The following GALNT18 variants were observed in gnomAD, a reference collection of about 807,000 sequenced individuals.
GALNT18 encodes the protein GalNAc-transferase 18.
Under a neutral mutation model 69.5 loss-of-function variants are expected in GALNT18, and 44 were observed. That is an observed-to-expected ratio of 0.63 (90% CI 0.50 to 0.81). The LOEUF is 0.81. GALNT18 is among the 40% of genes least tolerant of loss of function. GALNT18 has a pLI of 0.00. For missense variants in GALNT18, 715 were observed against 810.0 expected (o/e 0.88, Z 1.42); for synonymous variants, 364 against 318.2 (o/e 1.14, Z -1.53).
chr11:11,454,041 C>T lies in GALNT18; in HGVS notation c.236-5105G>A, dbSNP rs1051521091. On this transcript the variant is annotated intron_variant, in intron 1 of 10. Coordinates refer to ENST00000227756, the MANE Select transcript of GALNT18 (RefSeq NM_198516.3). The surrounding 1 kb of genome is among the most constrained non-coding windows in gnomAD (Gnocchi z 4.2). ...GCGCCTAGTAGGTGCTTAACCAATA[C>T]CAGTAAAATGAACGAATAGGGCATT... Among the ~76,000 whole-genome samples the T allele has an allele frequency of 2.6e-5, 4 of 152,272 alleles. No individual in the cohort carries two copies. The highest frequency in any genetic ancestry group is 2.6e-4 in the Admixed American group (4 of 15,298).
At chr11:11,610,628 T>C (rs1565040687) in intron 1 of GALNT18, among the ~76,000 whole-genome samples, 1 of 152,178 alleles carries the variant, frequency 6.6e-6, no homozygotes, top group Non-Finnish European at 1.5e-5. Context: ...CAGGTTCTCA[T>C]AAAATAAAAT....
At chr11:11,449,054 G>C (rs779691071) in intron 1 of GALNT18, 118 bp from the exon 2 acceptor site, 100 of 859,520 alleles carry the variant, frequency 1.2e-4, no homozygotes, top group Non-Finnish European at 1.7e-4. Flanking sequence ...CCCTTCTTTC[G>C]GGGTCAGTGC....
chr11:11,412,283 C>A (rs1008478231), intron 3 of GALNT18, among the ~76,000 whole-genome samples: 6 of 152,134 alleles, frequency 3.9e-5, no homozygotes, highest in African/African-American at 1.4e-4. Flanking sequence ...TTAGCTAGGG[C>A]CCTACTAGAC....
At chr11:11,532,932 A>G (rs1033631508) in intron 1 of GALNT18, among the ~76,000 whole-genome samples, 1 of 152,242 alleles carries the variant, frequency 6.6e-6, no homozygotes, top group Non-Finnish European at 1.5e-5. Flanking sequence ...CTAGATGGCA[A>G]TAAGGGTGCT....
At chr11:11,361,789 C>T (rs1850651609) in intron 6 of GALNT18, among the ~76,000 whole-genome samples, 1 of 152,156 alleles carries the variant, frequency 6.6e-6, no homozygotes, top group Non-Finnish European at 1.5e-5. Context: ...AGCCATAAAT[C>T]CTGACATCAC....
chr11:11,428,385 G>A (rs1316004995), intron 3 of GALNT18, among the ~76,000 whole-genome samples: 2 of 152,206 alleles, frequency 1.3e-5, no homozygotes, highest in African/African-American at 4.8e-5. Flanking sequence ...CATTCCACAT[G>A]GGAACTCTAG....
chr11:11,398,860 A>G (rs1854393662), intron 3 of GALNT18, among the ~76,000 whole-genome samples: 1 of 152,242 alleles, frequency 6.6e-6, no homozygotes, highest in Non-Finnish European at 1.5e-5. Context: ...TGAAAACAGC[A>G]TGTACAAGTA....
chr11:11,431,731 A>G (rs183468528), intron 3 of GALNT18, among the ~76,000 whole-genome samples: 333 of 152,364 alleles, frequency 2.2e-3, no homozygotes, highest in South Asian at 3.1e-3. Context: ...ACAGCAACTG[A>G]TTCACTAGGA....
intron 1 of GALNT18, among the ~76,000 whole-genome samples, chr11:11,558,538 C>A (rs1480591949): frequency 6.6e-6 from 1 of 152,220 alleles, no homozygotes; most frequent in Non-Finnish European, 1.5e-5. Context: ...GCAAGCTGCA[C>A]AGGAATAGCC....
Position 11,618,034 on chromosome 11 carries a change from A to G in GALNT18, c.235+3325T>C, listed in dbSNP as rs1244537358. On this transcript the variant is annotated intron_variant, in intron 1 of 10. Transcript: ENST00000227756. This position sits in a 1 kb window ranked among gnomAD's most constrained non-coding sequence, Gnocchi z 6.1. ...CCCAAGAGATTCCCAAACACCATCT[A>G]ATTAAATCATTCAATCAGAAAACAA... 1.3e-5 allele frequency among the ~76,000 whole-genome samples: 2 copies of G among 152,236 alleles called. No individual in the cohort carries two copies. Among genetic ancestry groups the G allele is most frequent in the Non-Finnish European group, 2.9e-5 (2 of 68,046 alleles).
chr11:11,577,713 ATCT>A (rs1372108323), intron 1 of GALNT18, among the ~76,000 whole-genome samples: 1 of 152,158 alleles, frequency 6.6e-6, no homozygotes, highest in African/African-American at 2.4e-5. Context: ...GGAAGCTCTC[ATCT>A]TCTTGTCAAG....
chr11:11,590,603 T>G lies in GALNT18; in HGVS notation c.235+30756A>C, dbSNP rs1327017657. 2.6e-5 allele frequency among the ~76,000 whole-genome samples: 4 copies of G among 152,240 alleles called. No individual in the cohort carries two copies. Among genetic ancestry groups the G allele is most frequent in the Non-Finnish European group, 4.4e-5 (3 of 68,034 alleles). ...TGAATCTGTTTCCTCATTGATAAAA[T>G]GAGCATGTTACTGTCTGCTCAACAA... On this transcript the variant is annotated intron_variant, in intron 1 of 10. Coordinates refer to ENST00000227756, the MANE Select transcript of GALNT18 (RefSeq NM_198516.3). The surrounding 1 kb of genome is among the most constrained non-coding windows in gnomAD (Gnocchi z 4.4).
rs1479448932 is a variant in GALNT18, at chr11:11,355,750, C to T, written c.1093-14746G>A. On this transcript the variant is annotated intron_variant, in intron 6 of 10. Coordinates refer to ENST00000227756, the MANE Select transcript of GALNT18 (RefSeq NM_198516.3). The stretch of plus-strand genomic sequence containing the variant: ...GAAAATTAAGCAAGTCATCAAGACC[C>T]TCACCTCCTGATGTGCAGCATTTGA... Among the ~76,000 whole-genome samples the T allele has an allele frequency of 3.3e-5, 5 of 152,198 alleles. No homozygotes were observed. In the East Asian group the frequency reaches 7.7e-4, roughly 24 times the overall value.
intron 1 of GALNT18, among the ~76,000 whole-genome samples, chr11:11,608,431 C>G (rs781134562): frequency 1.1e-4 from 17 of 152,066 alleles, no homozygotes; most frequent in Non-Finnish European, 2.2e-4. Flanking sequence ...GCAATCTCGG[C>G]TCACTGCAAC....
At chr11:11,327,712 A>G (rs575214844) in intron 8 of GALNT18, among the ~76,000 whole-genome samples, 1 of 152,236 alleles carries the variant, frequency 6.6e-6, no homozygotes, top group Non-Finnish European at 1.5e-5. Context: ...GGAGGGGGCC[A>G]GGGTGGGAGC....
chr11:11,616,713 C>T lies in GALNT18; in HGVS notation c.235+4646G>A, dbSNP rs574209216. On this transcript the variant is annotated intron_variant, in intron 1 of 10. Coordinates refer to ENST00000227756, the MANE Select transcript of GALNT18 (RefSeq NM_198516.3). This position sits in a 1 kb window ranked among gnomAD's most constrained non-coding sequence, Gnocchi z 4.4. Reference sequence around the variant, plus strand: ...GTCTCTAGTACCACTGCCCACAGCTCCTGCAAATAGTTGAGTTTTACACTT... The same window carrying T: ...GTCTCTAGTACCACTGCCCACAGCTTCTGCAAATAGTTGAGTTTTACACTT... Among the ~76,000 whole-genome samples the T allele has an allele frequency of 2.2e-4, 33 of 152,350 alleles. No individual in the cohort carries two copies. Among genetic ancestry groups the T allele is most frequent in the Non-Finnish European group, 3.8e-4 (26 of 68,030 alleles).
intron 1 of GALNT18, among the ~76,000 whole-genome samples, chr11:11,579,302 C>T (rs917984591): frequency 1.3e-5 from 2 of 152,120 alleles, no homozygotes; most frequent in African/African-American, 4.8e-5. Context: ...CCACCTGTCA[C>T]CATACTCTAG....
At chr11:11,296,748 A>G (rs1849409046) in intron 9 of GALNT18, among the ~76,000 whole-genome samples, 1 of 152,166 alleles carries the variant, frequency 6.6e-6, no homozygotes, top group East Asian at 1.9e-4. Context: ...GAAAATCATA[A>G]TGGGGCAGAC....
chr11:11,402,079 A>T lies in GALNT18; in HGVS notation c.596-22815T>A, dbSNP rs763293856. Among the ~76,000 whole-genome samples, 1 of 152,270 alleles carries T rather than the reference A, an allele frequency of 6.6e-6. No homozygotes were observed. Among genetic ancestry groups the T allele is most frequent in the Non-Finnish European group, 1.5e-5 (1 of 68,046 alleles). ...GCAAGAAGAGATGAAGTAGGCTTAC[A>T]TATTATTAGGTGAATTCAAGGTAAT... On this transcript the variant is annotated intron_variant, in intron 3 of 10. Coordinates refer to ENST00000227756, the MANE Select transcript of GALNT18 (RefSeq NM_198516.3). This position sits in a 1 kb window ranked among gnomAD's most constrained non-coding sequence, Gnocchi z 4.0.
Sources: gnomAD v4.1 joint callset for allele counts (sites outside exome capture counted in the v4.1 genomes callset) on GRCh38, gnomAD v4.1.1 for gene constraint, Gnocchi (gnomAD v3.1) non-coding constraint, MANE v1.5 for transcripts, NCBI Gene and HGNC (gene_info 2026-07-23, HGNC 2026-07-21) for gene names.